Variants in ACAN observed in about 807,000 individuals in gnomAD.
The protein encoded by ACAN is aggrecan.
ACAN carries 47 observed loss-of-function variants against 169.1 expected under a neutral mutation model. That is an observed-to-expected ratio of 0.28 (90% CI 0.22 to 0.35). The LOEUF (loss-of-function observed/expected upper bound fraction) is 0.35, where lower values mean the gene tolerates loss of function less well. ACAN is among the 10% of genes least tolerant of loss of function. The pLI is 1.00. For missense variants in ACAN, 2,716 were observed against 2,759.9 expected (o/e 0.98, Z 0.36); for synonymous variants, 1,115 against 1,112.2 (o/e 1.00, Z -0.05).
chr15:88,826,971 CA>C (rs1896239752), intron 1 of ACAN, among the ~76,000 whole-genome samples: 1 of 152,186 alleles, frequency 6.6e-6, no homozygotes, highest in South Asian at 2.1e-4. Context: ...TGACTTTGGG[CA>C]CGTTGTCTAA....
chr15:88,832,999 T>A (rs1896402588), intron 1 of ACAN, among the ~76,000 whole-genome samples: 2 of 152,210 alleles, frequency 1.3e-5, no homozygotes, highest in African/African-American at 2.4e-5. Flanking sequence ...GGTCCTAGAT[T>A]ATTAAGCAGT....
chr15:88,845,432 C>T (rs1443664160), intron 6 of ACAN, 73 bp from the exon 7 acceptor site: 1 of 1,524,586 alleles, frequency 6.6e-7, no homozygotes, highest in Non-Finnish European at 8.8e-7. Flanking sequence ...ATGCTCATCT[C>T]CAGCCCACTC....
At position 88,849,598 on chromosome 15, in the gene ACAN, C is replaced by T. The variant is rs748095240; in HGVS notation, c.1893C>T (p.Ser631=). The T allele has an allele frequency of 1.2e-6, 2 of 1,609,756 alleles. No homozygotes were observed. Among genetic ancestry groups the T allele is most frequent in the Non-Finnish European group, 1.7e-6 (2 of 1,178,536 alleles). The part of the protein sequence containing the change: ...KCYAGWLADG[S]LRYPIVTPRP... ...ATGCCGGCTGGCTGGCCGACGGCAG[C>T]CTCCGCTACCCCATCGTCACCCCAA... is the stretch of plus-strand genomic sequence containing the variant. Residue 631 remains serine, a synonymous_variant, in exon 10 of 19, where the codon AGC becomes AGT. Coordinates refer to ENST00000560601, the MANE Select transcript of ACAN (RefSeq NM_001369268.1). The surrounding 1 kb of genome is among the most constrained non-coding windows in gnomAD (Gnocchi z 5.1).
intron 1 of ACAN, among the ~76,000 whole-genome samples, chr15:88,811,464 C>T (rs1895818486): frequency 1.3e-5 from 2 of 152,328 alleles, no homozygotes; most frequent in Non-Finnish European, 1.5e-5. Flanking sequence ...ACCCAGCAAG[C>T]GCTCTCCAAG....
In ACAN at chr15:88,861,910, C is replaced by T. The variant is rs1173340601; in HGVS notation, c.6946+1471C>T. ...AGCCTCTCTGTGATCATGTATATTT[C>T]CACAGGGCTTTTGTTCCCACGATTT... On this transcript the variant is annotated intron_variant, in intron 13 of 18. Transcript: ENST00000560601. The surrounding 1 kb of genome is among the most constrained non-coding windows in gnomAD (Gnocchi z 6.3). Among the ~76,000 whole-genome samples the T allele has an allele frequency of 2.0e-5, 3 of 152,196 alleles. No homozygotes were observed. The highest frequency in any genetic ancestry group is 1.3e-4 in the Admixed American group (2 of 15,280).
chr15:88,850,527 T>C, intron 10 of ACAN: 1 of 152,194 alleles, frequency 6.6e-6, no homozygotes, highest in Non-Finnish European at 1.5e-5. Flanking sequence ...TTTTATAGTT[T>C]ACATCAAAAC....
intron 1 of ACAN, among the ~76,000 whole-genome samples, chr15:88,810,795 G>C (rs1039624673): frequency 6.6e-6 from 1 of 152,210 alleles, no homozygotes; most frequent in Non-Finnish European, 1.5e-5. Context: ...CAGTGAGATG[G>C]GGGCTTGGAG....
Position 88,871,709 on chromosome 15 carries a change from CT to C in ACAN, c.7219+172del, listed in dbSNP as rs896571162. ...GAGCTCCCAGAGAGAAGACAACGGT[CT>C]TTGGGGCCAGAAGCTGTGGCTGCAG... is the stretch of plus-strand genomic sequence containing the variant. On this transcript the variant is annotated intron_variant, in intron 15 of 18. Coordinates refer to ENST00000560601, the MANE Select transcript of ACAN (RefSeq NM_001369268.1). The surrounding 1 kb of genome is among the most constrained non-coding windows in gnomAD (Gnocchi z 7.8). Among the ~76,000 whole-genome samples the C allele has an allele frequency of 1.3e-5, 2 of 152,192 alleles. No homozygotes were observed. Among genetic ancestry groups the C allele is most frequent in the African/African-American group, 4.8e-5 (2 of 41,446 alleles).
In ACAN at chr15:88,874,274, A is replaced by C. The variant is rs141257405; in HGVS notation, c.7631-131A>C. 2,804 of 1,071,648 alleles carry C rather than the reference A, an allele frequency of 2.6e-3. 65 individuals are homozygous for C. In the African/African-American group the frequency reaches 0.038, roughly 15 times the overall value. The allele number at this position is 1,071,648 out of a possible 1,614,324, so 66.4% of individuals were successfully genotyped here. A position where few individuals can be genotyped will look rare whatever the true frequency, so the allele number is the denominator to read the frequency against. ...AAGTCCAAGAAAAATCCAAATCAGG[A>C]AAGCCGATAAAGCCTCAGGCGCCTG... On this transcript the variant is annotated intron_variant, in intron 18 of 18. Transcript: ENST00000560601. This position sits in a 1 kb window ranked among gnomAD's most constrained non-coding sequence, Gnocchi z 7.3.
chr15:88,852,203 T>C (rs2141596629), intron 11 of ACAN, among the ~76,000 whole-genome samples, 170 bp downstream of exon 11: 1 of 152,300 alleles, frequency 6.6e-6, no homozygotes, highest in African/African-American at 2.4e-5. Context: ...TCAGCTGGCC[T>C]CTAGGACCTG....
rs1421621918 is a variant in ACAN at position 88,857,077 on chromosome 15, A to T, written c.4492A>T (p.Thr1498Ser). The change falls in exon 12 of 19, where the codon ACT becomes TCT. Residue 1498 changes from threonine to serine, a missense_variant. Physicochemically the swap from Thr to Ser is moderately conservative, Grantham distance 58. Coordinates refer to ENST00000560601, the MANE Select transcript of ACAN (RefSeq NM_001369268.1). ...SGLPSGEVVE[T>S]SASGIEDVSE... ...GCTTCCTTCTGGAGAGGTTGTAGAGACTTCTGCCTCTGGAATAGAGGATGT... is the reference window on the plus strand; with the variant it reads ...GCTTCCTTCTGGAGAGGTTGTAGAGTCTTCTGCCTCTGGAATAGAGGATGT... 1.9e-6 allele frequency: 3 copies of T among 1,605,072 alleles called. No individual in the cohort carries two copies. In the Admixed American group the frequency reaches 5.1e-5, roughly 27 times the overall value.
intron 1 of ACAN, among the ~76,000 whole-genome samples, chr15:88,808,401 C>G (rs1358203273): frequency 6.6e-6 from 1 of 152,194 alleles, no homozygotes; most frequent in Non-Finnish European, 1.5e-5. Flanking sequence ...TGCTACATGC[C>G]AGGCACTGTG....
At chr15:88,835,126 G>A (rs919376560) in intron 1 of ACAN, among the ~76,000 whole-genome samples, 2 of 152,196 alleles carry the variant, frequency 1.3e-5, no homozygotes, top group African/African-American at 2.4e-5. Context: ...ATATTAATCC[G>A]TTCATCCCAT....
chr15:88,840,947 A>C lies in ACAN; in HGVS notation c.629+761A>C, dbSNP rs147745141. 2.0e-4 allele frequency among the ~76,000 whole-genome samples: 30 copies of C among 152,306 alleles called. No homozygotes were observed. The South Asian group carries it at 4.6e-3, about 23-fold the overall frequency. ...ATCACGAAGTCAGGAGATCGAGACC[A>C]TCCTAGCTAACATGGTGAAACCCCA... On this transcript the variant is annotated intron_variant, in intron 4 of 18. Transcript: ENST00000560601.
In ACAN at chr15:88,860,358, G is replaced by A. The variant is rs757726420; in HGVS notation, c.6865G>A (p.Gly2289Arg). The change falls in exon 13 of 19, where the codon GGA becomes AGA. Residue 2289 changes from glycine (G) to arginine (R), a missense_variant. By Grantham distance (125) the Gly-to-Arg change is moderately radical (BLOSUM62 -2). Coordinates refer to ENST00000560601, the MANE Select transcript of ACAN (RefSeq NM_001369268.1). ...PARSCAEEPC[G>R]AGTCKETEGH... ...CAGGTCCTGTGCAGAGGAGCCCTGTGGAGCTGGGACCTGCAAGGAGACAGA... is the reference window on the plus strand; with the variant it reads ...CAGGTCCTGTGCAGAGGAGCCCTGTAGAGCTGGGACCTGCAAGGAGACAGA... The A allele has an allele frequency of 3.7e-6, 6 of 1,613,278 alleles. No individual in the cohort carries two copies. Among genetic ancestry groups the A allele is most frequent in the Non-Finnish European group, 5.1e-6 (6 of 1,179,740 alleles).
rs1225893749 is a variant in ACAN at position 88,849,155 on chromosome 15, G to C, written c.1733-283G>C. On this transcript the variant is annotated intron_variant, in intron 9 of 18. Coordinates refer to ENST00000560601, the MANE Select transcript of ACAN (RefSeq NM_001369268.1). This position sits in a 1 kb window ranked among gnomAD's most constrained non-coding sequence, Gnocchi z 5.1. ...AGAAAAGAGGGACGGAGGAGAAGTT[G>C]TTGTGGAAACAACTCAGCCCAGTTT... 1.3e-5 allele frequency among the ~76,000 whole-genome samples: 2 copies of C among 152,224 alleles called. No homozygotes were observed. The highest frequency in any genetic ancestry group is 2.4e-5 in the African/African-American group (1 of 41,462).
chr15:88,854,387 GGTGCTCTTGCTGCGA>G (rs1169554416), intron 11 of ACAN, among the ~76,000 whole-genome samples: 1 of 152,174 alleles, frequency 6.6e-6, no homozygotes, highest in Non-Finnish European at 1.5e-5. Flanking sequence ...GCTCCCAGAG[GGTGCTCTTGCTGCGA>G]GTCCAAGCTT....
At chr15:88,810,591 C>G (rs1895796863) in intron 1 of ACAN, among the ~76,000 whole-genome samples, 2 of 152,090 alleles carry the variant, frequency 1.3e-5, no homozygotes, top group African/African-American at 2.4e-5. Context: ...ATCCAGATGG[C>G]TCAGGGGAAG....
chr15:88,850,808 G>A (rs1298411333), intron 10 of ACAN: 1 of 152,106 alleles, frequency 6.6e-6, no homozygotes, highest in Admixed American at 6.6e-5. Flanking sequence ...GCCTAGTTTG[G>A]TGGTGTGTAC....
Sources: allele counts gnomAD v4.1 joint callset (sites outside exome capture counted in the v4.1 genomes callset), GRCh38; gene constraint gnomAD v4.1.1; non-coding constraint Gnocchi (gnomAD v3.1); transcripts MANE v1.5; gene names NCBI Gene and HGNC (gene_info 2026-07-23, HGNC 2026-07-21).